The following CNTN1 variants were observed in gnomAD, a reference collection of about 807,000 sequenced individuals.
CNTN1 encodes the protein contactin 1, also known as contactin-1.
Under a neutral mutation model 126.4 loss-of-function variants are expected in CNTN1, and 38 were observed. That is an observed-to-expected ratio of 0.30 (90% confidence interval 0.23 to 0.39). The LOEUF is 0.39. Among genes scored for constraint, CNTN1 ranks in the 10% least tolerant of loss-of-function variants. The pLI is 1.00. For missense variants in CNTN1, 1,009 were observed against 1,248.4 expected, an observed-to-expected ratio of 0.81 and a Z score of 2.89; for synonymous variants, 413 against 422.6, an observed-to-expected ratio of 0.98 and a Z score of 0.28.
intron 3 of CNTN1, among the ~76,000 whole-genome samples, chr12:40,915,763 T>G (rs546737469): frequency 3.9e-5 from 6 of 152,156 alleles, no homozygotes; most frequent in Admixed American, 2.0e-4. Flanking sequence ...GCTTTTGGTG[T>G]TGTGTCTAAA....
intron 23 of CNTN1, among the ~76,000 whole-genome samples, chr12:41,064,444 T>C (rs1950007590): frequency 6.6e-6 from 1 of 152,196 alleles, no homozygotes; most frequent in Non-Finnish European, 1.5e-5. Flanking sequence ...TTTCCAGAAA[T>C]ACAGTGCAGG....
At chr12:40,923,453 A>G (rs1452646103) in intron 5 of CNTN1, among the ~76,000 whole-genome samples, 2 of 152,152 alleles carry the variant, frequency 1.3e-5, no homozygotes, top group South Asian at 4.1e-4. Context: ...CAGGAAGAGA[A>G]GTAAGATTAA....
chr12:40,819,071 T>C (rs1941354639), intron 1 of CNTN1, among the ~76,000 whole-genome samples: 1 of 152,110 alleles, frequency 6.6e-6, no homozygotes, highest in African/African-American at 2.4e-5. Context: ...TTCTGGGACC[T>C]CTGCCCTTGA....
intron 1 of CNTN1, among the ~76,000 whole-genome samples, chr12:40,814,268 G>GCC (rs1299802794): frequency 6.6e-6 from 1 of 152,116 alleles, no homozygotes; most frequent in Admixed American, 6.6e-5. Context: ...TAAAGTCTTT[G>GCC]CCCATGCCTA....
chr12:40,912,362 T>C (rs1194583399), intron 3 of CNTN1, among the ~76,000 whole-genome samples: 1 of 150,972 alleles, frequency 6.6e-6, no homozygotes, highest in Non-Finnish European at 1.5e-5. Flanking sequence ...TTTAGATGCT[T>C]TTTTCCACTT....
chr12:40,971,278 G>GC (rs1380795769), intron 15 of CNTN1, among the ~76,000 whole-genome samples: 2 of 152,096 alleles, frequency 1.3e-5, no homozygotes, highest in Non-Finnish European at 2.9e-5. Context: ...TCTCCCTTTG[G>GC]CCCCCCGTCC....
chr12:40,837,769 G>A (rs1942116765), intron 1 of CNTN1, among the ~76,000 whole-genome samples: 1 of 152,148 alleles, frequency 6.6e-6, no homozygotes, highest in Non-Finnish European at 1.5e-5. Flanking sequence ...GCCACTGCCA[G>A]GAAGCAAGCA....
At chr12:40,999,560 T>C (rs1050084871) in intron 17 of CNTN1, among the ~76,000 whole-genome samples, 1 of 152,156 alleles carries the variant, frequency 6.6e-6, no homozygotes, top group African/African-American at 2.4e-5. Flanking sequence ...TTTGTGTCAA[T>C]TCCACCTGTG....
At chr12:40,753,060 G>C (rs1021299895) in intron 1 of CNTN1, among the ~76,000 whole-genome samples, 14 of 152,096 alleles carry the variant, frequency 9.2e-5, no homozygotes, top group Admixed American at 4.6e-4. Context: ...TTATGGTGAG[G>C]AAAGAGTGGG....
At chr12:40,973,983 T>G (rs1464771406) in intron 15 of CNTN1, among the ~76,000 whole-genome samples, 1 of 152,156 alleles carries the variant, frequency 6.6e-6, no homozygotes, top group East Asian at 1.9e-4. Context: ...TTTGGAAAAT[T>G]TATATATTGT....
At chr12:40,772,794 T>A (rs1231833752) in intron 1 of CNTN1, among the ~76,000 whole-genome samples, 1 of 151,904 alleles carries the variant, frequency 6.6e-6, no homozygotes, top group African/African-American at 2.4e-5. Flanking sequence ...AAAGTTGTTG[T>A]AATTGTCTAA....
intron 1 of CNTN1, among the ~76,000 whole-genome samples, chr12:40,830,917 G>T (rs1354886877): frequency 3.9e-5 from 3 of 76,272 alleles, no homozygotes; most frequent in South Asian, 4.8e-4. Context: ...ATCCTAAGTG[G>T]TAGTTACATA....
rs1950134531 is a variant in CNTN1, at chr12:41,070,264, A to C, written c.*229A>C. Reference sequence around the variant, plus strand: ...ATATAAATGATTTTTAACTCGTTCCAATATGCCTTATAAACCACTTAACCT... The same window carrying C: ...ATATAAATGATTTTTAACTCGTTCCCATATGCCTTATAAACCACTTAACCT... On this transcript the variant is annotated 3_prime_UTR_variant, in exon 24 of 24. Coordinates refer to ENST00000551295, the MANE Select transcript of CNTN1 (RefSeq NM_001843.4). 1.8e-6 allele frequency: 1 copy of C among 566,994 alleles called. No homozygotes were observed. The highest frequency in any genetic ancestry group is 3.1e-5 in the East Asian group (1 of 32,530). The allele number at this position is 566,994 out of a possible 1,614,324, so 35.1% of individuals were successfully genotyped here.
intron 1 of CNTN1, among the ~76,000 whole-genome samples, chr12:40,737,359 G>GTGTA (rs1304140380): frequency 7.5e-4 from 85 of 113,270 alleles, no homozygotes; most frequent in Non-Finnish European, 1.2e-3. Flanking sequence ...ATGTGTGTGT[G>GTGTA]TATATATATA....
chr12:41,058,774 A>T (rs1476615259), intron 23 of CNTN1, among the ~76,000 whole-genome samples: 1 of 152,174 alleles, frequency 6.6e-6, no homozygotes. Context: ...TTATATCTTC[A>T]GGTTGAGAAA....
intron 1 of CNTN1, among the ~76,000 whole-genome samples, chr12:40,763,495 A>T (rs1239708498): frequency 6.6e-6 from 1 of 152,196 alleles, no homozygotes; most frequent in Non-Finnish European, 1.5e-5. Flanking sequence ...AAATGTAGTA[A>T]GAACAAACGT....
At chr12:40,922,107 T>G in intron 4 of CNTN1, 149 bp from the exon 5 acceptor site, 7 of 691,520 alleles carry the variant, frequency 1.0e-5, no homozygotes, top group Non-Finnish European at 1.8e-5. Context: ...CTCAGAATCA[T>G]AGAGTACAAA....
At chr12:40,744,297 A>G (rs1283479930) in intron 1 of CNTN1, among the ~76,000 whole-genome samples, 3 of 37,830 alleles carry the variant, frequency 7.9e-5, no homozygotes, top group African/African-American at 2.1e-4. Context: ...CTTTAAATTA[A>G]ATTAAATAAA....
intron 17 of CNTN1, among the ~76,000 whole-genome samples, chr12:40,997,186 C>T (rs1451830127): frequency 6.6e-6 from 1 of 152,210 alleles, no homozygotes; most frequent in African/African-American, 2.4e-5. Context: ...AAAGAGATAA[C>T]AAAAGTACCC....
Sources: gnomAD v4.1 joint callset for allele counts (sites outside exome capture counted in the v4.1 genomes callset) on GRCh38, gnomAD v4.1.1 for gene constraint, MANE v1.5 for transcripts, NCBI Gene and HGNC (gene_info 2026-07-23, HGNC 2026-07-21) for gene names.